The following STON2 variants were observed in gnomAD, a reference collection of about 807,000 sequenced individuals.
STON2 encodes the protein stonin 2.
STON2 carries 29 observed loss-of-function variants against 65.7 expected under a neutral mutation model. That is an observed-to-expected ratio of 0.44 (90% CI 0.33 to 0.60). The LOEUF is 0.60. Among genes scored for constraint, STON2 ranks in the 20% least tolerant of loss-of-function variants. STON2 has a pLI of 0.03. For missense variants in STON2, 1,054 were observed against 1,118.1 expected (o/e 0.94, Z 0.82); for synonymous variants, 404 against 414.2 (o/e 0.98, Z 0.30).
chr14:81,371,493 A>C (rs1898992251), intron 3 of STON2, among the ~76,000 whole-genome samples: 1 of 151,974 alleles, frequency 6.6e-6, no homozygotes, highest in Non-Finnish European at 1.5e-5. Context: ...CAGGAGATCG[A>C]GACCATCCTG....
Position 81,424,550 on chromosome 14 carries a change from C to A in STON2, c.-199+2552G>T, listed in dbSNP as rs529659205. 2.0e-3 allele frequency among the ~76,000 whole-genome samples: 299 copies of A among 151,180 alleles called. 3 individuals are homozygous for A. Among genetic ancestry groups the A allele is most frequent in the Admixed American group, 4.9e-3 (75 of 15,192 alleles). On this transcript the variant is annotated intron_variant, in intron 2 of 8. Transcript: ENST00000553821. ...GAAAAGTATAATCACTGGAGTACTT[C>A]TACAATGATATGATTTTTAAAATTC...
Position 81,417,634 on chromosome 14 carries a change from T to C in STON2, c.-199+9468A>G, listed in dbSNP as rs544942819. ...GGATAGGAAATACGTTTTTGGGATA[T>C]GTTGAGATGCAAAGACTGTGAAAAT... On this transcript the variant is annotated intron_variant, in intron 2 of 8. Transcript: ENST00000553821. Among the ~76,000 whole-genome samples, 5 of 152,280 alleles carry C rather than the reference T, an allele frequency of 3.3e-5. 1 individual carries two copies. The highest frequency in any genetic ancestry group is 9.6e-5 in the African/African-American group (4 of 41,554).
chr14:81,404,449 T>C (rs553626422), upstream of STON2, among the ~76,000 whole-genome samples: 6 of 152,358 alleles, frequency 3.9e-5, no homozygotes, highest in African/African-American at 1.4e-4. Flanking sequence ...TCCTTTCAAC[T>C]TTTTTAAATG....
At chr14:81,327,049 T>C (rs566584985) in intron 4 of STON2, among the ~76,000 whole-genome samples, 163 of 152,252 alleles carry the variant, frequency 1.1e-3, no homozygotes, top group Non-Finnish European at 1.9e-3. Flanking sequence ...TCCCAGCTAT[T>C]TGGGAGGCTG....
chr14:81,270,835 T>C lies in STON2; in HGVS notation c.2619A>G (p.Glu873=). 6.2e-7 allele frequency: 1 copy of C among 1,613,348 alleles called. No homozygotes were observed. Among genetic ancestry groups the C allele is most frequent in the African/African-American group, 1.3e-5 (1 of 74,888 alleles). ...GHPHCFFCHL[E]LGSDREVPSR... Reference sequence around the variant, plus strand: ...AAGGCACTTCCCGGTCAGAGCCGAGTTCAAGGTGGCAAAAGAAACAGTGTG... The same window carrying C: ...AAGGCACTTCCCGGTCAGAGCCGAGCTCAAGGTGGCAAAAGAAACAGTGTG... The change falls in exon 7 of 8, where the codon GAA becomes GAG. Residue 873 remains glutamate, a synonymous_variant. Coordinates refer to ENST00000614646, the MANE Select transcript of STON2 (RefSeq NM_001394390.1).
chr14:81,382,276 G>T (rs116578561), intron 3 of STON2, among the ~76,000 whole-genome samples: 1 of 151,934 alleles, frequency 6.6e-6, no homozygotes, highest in South Asian at 2.1e-4. Flanking sequence ...AAACAGAATG[G>T]ATAAATGGAT....
chr14:81,331,128 T>C (rs1897197421), intron 4 of STON2, among the ~76,000 whole-genome samples: 1 of 152,212 alleles, frequency 6.6e-6, no homozygotes, highest in Non-Finnish European at 1.5e-5. Context: ...CAGTGGCATG[T>C]GTACATACCT....
intron 4 of STON2, among the ~76,000 whole-genome samples, chr14:81,333,611 A>C (rs903966481): frequency 1.1e-4 from 17 of 152,218 alleles, no homozygotes; most frequent in African/African-American, 3.1e-4. Flanking sequence ...ACACTGCATG[A>C]ACATGGAATG....
At chr14:81,300,101 A>T (rs1053223000) in intron 5 of STON2, among the ~76,000 whole-genome samples, 59 of 152,270 alleles carry the variant, frequency 3.9e-4, no homozygotes, top group African/African-American at 1.4e-3. Context: ...AGGAAAGATA[A>T]ATAAGTTAAT....
In STON2 at chr14:81,302,252, C is replaced by CGG. The variant is rs545549467; in HGVS notation, c.742+21764_742+21765insCC. Among the ~76,000 whole-genome samples the CGG allele has an allele frequency of 2.6e-5, 4 of 152,302 alleles. No homozygotes were observed. The East Asian group carries it at 5.8e-4, about 22-fold the overall frequency. On this transcript the variant is annotated intron_variant, in intron 5 of 7. Transcript: ENST00000614646. The stretch of plus-strand genomic sequence containing the variant: ...AGCATCAGATACCCCTATCTGTCTA[C>CGG]AAATTTCTGGAACAGAGGCTAACAA...
At chr14:81,412,401 A>G (rs562208789) in intron 2 of STON2, among the ~76,000 whole-genome samples, 1 of 140,220 alleles carries the variant, frequency 7.1e-6, no homozygotes, top group Admixed American at 7.1e-5. Flanking sequence ...AACATTATTC[A>G]GCCTTAAAAA....
In STON2 at chr14:81,277,469, G is replaced by T. The variant is rs752938848; in HGVS notation, c.2013C>A (p.Gly671=). ...TCCCTTTGACGAGGATGTCATTGAG[G>T]CCCAGGCGGCACTCTGCGAGCCCAG... is the stretch of plus-strand genomic sequence containing the variant. ...FLSGLAECRL[G]LNDILVKGNE... The change falls in exon 6 of 8, where the codon GGC becomes GGA. Residue 671 remains glycine, a synonymous_variant. Transcript: ENST00000614646. The T allele has an allele frequency of 7.4e-6, 12 of 1,614,094 alleles. No homozygotes were observed. In the Admixed American group the frequency reaches 1.5e-4, roughly 20 times the overall value.
chr14:81,433,904 C>G (rs939794943), intron 1 of STON2, among the ~76,000 whole-genome samples: 1 of 152,096 alleles, frequency 6.6e-6, no homozygotes, highest in Admixed American at 6.5e-5. Flanking sequence ...TGTAACAGTC[C>G]TTTTGATCAC....
intron 4 of STON2, among the ~76,000 whole-genome samples, chr14:81,343,677 C>A (rs1897701843): frequency 6.6e-6 from 1 of 152,162 alleles, no homozygotes; most frequent in Non-Finnish European, 1.5e-5. Context: ...TTCCCATTCA[C>A]TAAGTCTTAG....
intron 1 of STON2, among the ~76,000 whole-genome samples, chr14:81,432,337 C>T (rs577484004): frequency 2.0e-5 from 3 of 152,092 alleles, no homozygotes; most frequent in South Asian, 2.1e-4. Flanking sequence ...TGCTCCATCT[C>T]GTAGTATAAG....
In STON2 at chr14:81,385,212, G is replaced by A. The variant is rs138288462; in HGVS notation, c.373+10682C>T. ...GCTAGGCCACATGGCCTCTCTGGGT[G>A]AGCTTGCACATTCTCTGCAAGAGGA... On this transcript the variant is annotated intron_variant, in intron 3 of 7. Transcript: ENST00000614646. Among the ~76,000 whole-genome samples, 384 of 152,352 alleles carry A rather than the reference G, an allele frequency of 2.5e-3. 3 individuals are homozygous for A. Among genetic ancestry groups the A allele is most frequent in the African/African-American group, 8.7e-3 (360 of 41,582 alleles).
chr14:81,268,687 G>A, intron 7 of STON2, 190 bp from the exon 8 acceptor site: 10 of 962,284 alleles, frequency 1.0e-5, no homozygotes, highest in Non-Finnish European at 1.2e-5. Flanking sequence ...TTCTTTAACT[G>A]GTCTGTAATT....
At chr14:81,412,990 G>C in intron 2 of STON2, 1 of 1,078,116 alleles carries the variant, frequency 9.3e-7, no homozygotes, top group Non-Finnish European at 1.4e-6. Flanking sequence ...AAAAGGCCGT[G>C]ATCAAAAATG....
At chr14:81,386,565 T>C (rs1463304045) in intron 3 of STON2, among the ~76,000 whole-genome samples, 10 of 152,220 alleles carry the variant, frequency 6.6e-5, no homozygotes, top group African/African-American at 2.4e-4. Context: ...GGGAAGACGT[T>C]TGAAGCATAA....
Sources: allele counts gnomAD v4.1 joint callset (sites outside exome capture counted in the v4.1 genomes callset), GRCh38; gene constraint gnomAD v4.1.1; transcripts MANE v1.5; gene names NCBI Gene and HGNC (gene_info 2026-07-23, HGNC 2026-07-21).